The following NEK6 variants were observed in gnomAD, a reference collection of about 807,000 sequenced individuals.
NEK6 encodes serine/threonine-protein kinase Nek6.
A neutral mutation model predicts 43.5 loss-of-function variants in NEK6; 27 were observed. That is an observed-to-expected ratio of 0.62 (90% CI 0.46 to 0.86). The LOEUF is 0.86. NEK6 is among the 40% of genes least tolerant of loss of function. The pLI is 0.00. For missense variants in NEK6, 318 were observed against 414.4 expected (o/e 0.77, Z 2.02); for synonymous variants, 167 against 164.1 (o/e 1.02, Z -0.14).
At chr9:124,317,341 G>A (rs1304304112) in intron 4 of NEK6, among the ~76,000 whole-genome samples, 2 of 152,096 alleles carry the variant, frequency 1.3e-5, no homozygotes, top group Non-Finnish European at 2.9e-5. Context: ...CAACCTCCGA[G>A]TAGCTGGAAT....
At chr9:124,328,257 C>T (rs974684849) in intron 7 of NEK6, among the ~76,000 whole-genome samples, 2 of 152,100 alleles carry the variant, frequency 1.3e-5, no homozygotes, top group Non-Finnish European at 2.9e-5. Flanking sequence ...ACAAAGGAAC[C>T]AAGAAAGCCC....
intron 7 of NEK6, among the ~76,000 whole-genome samples, chr9:124,338,908 C>T (rs1163361358): frequency 6.7e-6 from 1 of 150,030 alleles, no homozygotes; most frequent in East Asian, 2.0e-4. Flanking sequence ...TTCAGACAGT[C>T]CCCTTAAAGG....
chr9:124,283,414 G>A (rs1832012967), intron 1 of NEK6, among the ~76,000 whole-genome samples: 1 of 152,252 alleles, frequency 6.6e-6, no homozygotes, highest in Non-Finnish European at 1.5e-5. Context: ...CAGGGGTGGG[G>A]AAGTTGAGTG....
At chr9:124,320,070 C>T (rs1444881274) in intron 4 of NEK6, among the ~76,000 whole-genome samples, 1 of 152,274 alleles carries the variant, frequency 6.6e-6, no homozygotes, top group Non-Finnish European at 1.5e-5. Flanking sequence ...CCTGCGTCCT[C>T]AGCTGTGCAG....
chr9:124,307,678 G>A (rs1022527081), intron 2 of NEK6, among the ~76,000 whole-genome samples: 1 of 152,228 alleles, frequency 6.6e-6, no homozygotes, highest in African/African-American at 2.4e-5. Context: ...GTCAGAGGTG[G>A]CCTCCTATGG....
chr9:124,338,008 A>G (rs1829378615), intron 7 of NEK6, among the ~76,000 whole-genome samples: 1 of 151,944 alleles, frequency 6.6e-6, no homozygotes. Flanking sequence ...ACAGAGTCTC[A>G]CTCACTCTCT....
upstream of NEK6, chr9:124,257,657 C>T: frequency 6.6e-7 from 1 of 1,521,822 alleles, no homozygotes; most frequent in Non-Finnish European, 8.8e-7. Context: ...CAAGGGTTGG[C>T]TGACTGCAGA....
At chr9:124,259,789 G>A (rs1444100672) in intron 1 of NEK6, among the ~76,000 whole-genome samples, 2 of 152,196 alleles carry the variant, frequency 1.3e-5, no homozygotes, top group Non-Finnish European at 2.9e-5. Flanking sequence ...CTGCTGTCCC[G>A]TCTGCTTCGG....
chr9:124,327,496 A>G (rs748741), intron 7 of NEK6, 51 bp downstream of exon 7: 505,728 of 1,408,400 alleles, frequency 0.36, 92,085 homozygotes, highest in South Asian at 0.39. Flanking sequence ...CCTGGTGACC[A>G]TGCAGGGAGA....
chr9:124,274,006 C>A (rs1345082664), intron 1 of NEK6, among the ~76,000 whole-genome samples: 1 of 152,194 alleles, frequency 6.6e-6, no homozygotes, highest in East Asian at 1.9e-4. Context: ...ATCTTGCTTC[C>A]CATTAATGGA....
chr9:124,268,982 G>T (rs1831324807), intron 1 of NEK6, among the ~76,000 whole-genome samples: 1 of 152,164 alleles, frequency 6.6e-6, no homozygotes, highest in African/African-American at 2.4e-5. Context: ...CGGGAAGGAG[G>T]GAGCAGATTC....
intron 1 of NEK6, among the ~76,000 whole-genome samples, chr9:124,294,476 A>G (rs118127359): frequency 0.02 from 3,019 of 150,336 alleles, 106 homozygotes; most frequent in Non-Finnish European, 0.021. Flanking sequence ...TGGGCGACAA[A>G]GCAAGACTCC....
chr9:124,338,137 T>G (rs898517153), intron 7 of NEK6, among the ~76,000 whole-genome samples: 1 of 152,170 alleles, frequency 6.6e-6, no homozygotes, highest in Non-Finnish European at 1.5e-5. Context: ...TGTACCACCA[T>G]GCCTGGCTAA....
intron 1 of NEK6, among the ~76,000 whole-genome samples, chr9:124,272,684 A>C (rs770628070): frequency 1.3e-5 from 2 of 152,194 alleles, no homozygotes; most frequent in Non-Finnish European, 2.9e-5. Context: ...CGCTCCCCCT[A>C]ACGCTGCTGG....
intron 1 of NEK6, among the ~76,000 whole-genome samples, chr9:124,286,130 G>A (rs992004883): frequency 5.3e-5 from 8 of 152,036 alleles, no homozygotes; most frequent in South Asian, 4.1e-4. Flanking sequence ...AGAGGAAATC[G>A]CGTGACCCTT....
rs114226668 is a variant in NEK6 at position 124,338,968 on chromosome 9, C to T, written c.623-603C>T. ...GCCGGGCCGAGGAGGCATCCCCTTC[C>T]CCTGGGCAGCTGGCAGAAACACCAA... is the stretch of plus-strand genomic sequence containing the variant. On this transcript the variant is annotated intron_variant, in intron 7 of 9. Coordinates refer to ENST00000320246, the MANE Select transcript of NEK6 (RefSeq NM_014397.6). Among the ~76,000 whole-genome samples, 199 of 151,392 alleles carry T rather than the reference C, an allele frequency of 1.3e-3. 1 individual carries two copies. Among genetic ancestry groups the T allele is most frequent in the African/African-American group, 4.7e-3 (194 of 41,206 alleles).
At chr9:124,347,463 C>T (rs1194350895) in intron 8 of NEK6, among the ~76,000 whole-genome samples, 1 of 152,254 alleles carries the variant, frequency 6.6e-6, no homozygotes, top group Non-Finnish European at 1.5e-5. Context: ...TCTTTATTGC[C>T]TTGAAAGTTT....
intron 9 of NEK6, among the ~76,000 whole-genome samples, chr9:124,350,501 G>GACACAC (rs55896623): frequency 2.7e-5 from 4 of 150,710 alleles, no homozygotes; most frequent in Admixed American, 6.6e-5. Flanking sequence ...ACTGACAGCA[G>GACACAC]ACACACACAC....
chr9:124,277,859 C>T (rs61676972), intron 1 of NEK6, among the ~76,000 whole-genome samples: 1,923 of 152,340 alleles, frequency 0.013, 37 homozygotes, highest in African/African-American at 0.044. Context: ...AAGAGCCCTG[C>T]TCCTCATGTG....
Sources: gnomAD v4.1 joint callset for allele counts (sites outside exome capture counted in the v4.1 genomes callset) on GRCh38, gnomAD v4.1.1 for gene constraint, MANE v1.5 for transcripts, NCBI Gene and HGNC (gene_info 2026-07-23, HGNC 2026-07-21) for gene names.